TMPO: variants seen among roughly 807,000 people sequenced by gnomAD.
The protein encoded by TMPO is LEM domain containing 4.
TMPO carries 22 observed loss-of-function variants against 45.4 expected under a neutral mutation model. The observed-to-expected ratio is 0.48, with a 90% CI of 0.35 to 0.69. The LOEUF (loss-of-function observed/expected upper bound fraction) is 0.69. Among genes scored for constraint, TMPO ranks in the 30% least tolerant of loss-of-function variants. TMPO has a pLI of 0.01. For missense variants in TMPO, 512 were observed against 548.8 expected, an observed-to-expected ratio of 0.93 and a Z score of 0.67; for synonymous variants, 241 against 204.1, an observed-to-expected ratio of 1.18 and a Z score of -1.54.
intron 3 of TMPO, chr12:98,533,156 A>T: frequency 6.2e-7 from 1 of 1,614,160 alleles, no homozygotes; most frequent in East Asian, 2.2e-5. Flanking sequence ...CAGCCTGAAC[A>T]CAGTGCCATG....
chr12:98,533,482 C>G, intron 3 of TMPO: 2 of 1,614,152 alleles, frequency 1.2e-6, no homozygotes, highest in Non-Finnish European at 1.7e-6. Context: ...AGAAAACATA[C>G]AGAAGAGAAT....
intron 3 of TMPO, chr12:98,534,356 A>G: frequency 6.2e-7 from 1 of 1,610,144 alleles, no homozygotes; most frequent in South Asian, 1.1e-5. Flanking sequence ...AATTAAGGAC[A>G]AAAAGACATC....
chr12:98,535,750 A>G, intron 3 of TMPO: 1 of 732,988 alleles, frequency 1.4e-6, no homozygotes. Context: ...TCACTTTGAC[A>G]TTTCAGTGGT....
rs747066370 is a variant in TMPO at position 98,532,871 on chromosome 12, C to T, written c.565+1033C>T. 96 of 1,614,000 alleles carry T rather than the reference C, an allele frequency of 5.9e-5. 2 individuals carry two copies. In the South Asian group the frequency reaches 1.0e-3, roughly 17 times the overall value. ...GTGAAGTCCACTAGGGATATTGTTC[C>T]TTTTTCTGAACTTGGAACTACTCCC... On this transcript the variant is annotated intron_variant, in intron 3 of 8. Coordinates refer to ENST00000556029, the MANE Select transcript of TMPO (RefSeq NM_001032283.3).
intron 3 of TMPO, among the ~76,000 whole-genome samples, chr12:98,532,562 GAAAT>G (rs1242795073): frequency 6.6e-6 from 1 of 152,152 alleles, no homozygotes; most frequent in Non-Finnish European, 1.5e-5. Context: ...GATAGTATGT[GAAAT>G]AAATGTCCTT....
intron 1 of TMPO, among the ~76,000 whole-genome samples, chr12:98,517,868 TAGA>T (rs1875993019): frequency 6.6e-6 from 1 of 152,178 alleles, no homozygotes; most frequent in Non-Finnish European, 1.5e-5. Context: ...ACTCTTTAAG[TAGA>T]GTTGGTTGAG....
chr12:98,523,766 C>T (rs1383227539), intron 1 of TMPO, among the ~76,000 whole-genome samples: 1 of 152,170 alleles, frequency 6.6e-6, no homozygotes, highest in African/African-American at 2.4e-5. Context: ...ATCTCCGCCT[C>T]CCCAATTCAA....
intron 1 of TMPO, among the ~76,000 whole-genome samples, chr12:98,520,310 T>TTCC (rs755914522): frequency 0.08 from 7,985 of 99,520 alleles, 414 homozygotes; most frequent in East Asian, 0.21. Flanking sequence ...TCCTTCCTTC[T>TTCC]GTGTGTGTGA....
chr12:98,525,639 G>T (rs1474359288), intron 1 of TMPO, among the ~76,000 whole-genome samples: 1 of 151,774 alleles, frequency 6.6e-6, no homozygotes, highest in Admixed American at 6.6e-5. Context: ...TACTCAGGAG[G>T]CTGAGGCAGG....
Position 98,530,866 on chromosome 12 carries a change from T to A in TMPO, c.407-814T>A, listed in dbSNP as rs1877141296. 2.0e-5 allele frequency among the ~76,000 whole-genome samples: 3 copies of A among 152,374 alleles called. No individual in the cohort carries two copies. In the South Asian group the frequency reaches 6.2e-4, roughly 32 times the overall value. On this transcript the variant is annotated intron_variant, in intron 2 of 8. Coordinates refer to ENST00000556029, the MANE Select transcript of TMPO (RefSeq NM_001032283.3). ...GACTTCAGTCAAAAATAGTCATACA[T>A]GGCTTTTCAGTAGATGGTCTATAGA... is the stretch of plus-strand genomic sequence containing the variant.
intron 7 of TMPO, among the ~76,000 whole-genome samples, chr12:98,546,040 A>G (rs761087812): frequency 5.9e-5 from 9 of 152,138 alleles, no homozygotes; most frequent in African/African-American, 1.7e-4. Context: ...GCCCAACAAT[A>G]TACTCTTAAT....
intron 1 of TMPO, among the ~76,000 whole-genome samples, chr12:98,519,852 TATTC>T (rs1237624794): frequency 1.3e-5 from 2 of 152,204 alleles, no homozygotes; most frequent in South Asian, 4.1e-4. Context: ...TGTGTAAAAT[TATTC>T]ATGTCAATTC....
chr12:98,541,614 G>T (rs1006230837), intron 4 of TMPO, among the ~76,000 whole-genome samples: 10 of 152,140 alleles, frequency 6.6e-5, no homozygotes, highest in African/African-American at 1.9e-4. Context: ...TCACTTGAAA[G>T]AATTTTTTTG....
At chr12:98,519,382 A>G (rs1323900800) in intron 1 of TMPO, among the ~76,000 whole-genome samples, 1 of 152,014 alleles carries the variant, frequency 6.6e-6, no homozygotes, top group East Asian at 1.9e-4. Flanking sequence ...TATTTTTAGT[A>G]GAGAAGGGGT....
intron 4 of TMPO, among the ~76,000 whole-genome samples, chr12:98,542,698 A>G (rs1279154486): frequency 6.6e-6 from 1 of 152,052 alleles, no homozygotes; most frequent in African/African-American, 2.4e-5. Context: ...TCTACTGAAA[A>G]TACAAAAAAA....
At chr12:98,537,381 G>T (rs1247546334) in intron 3 of TMPO, 94 bp from the exon 4 acceptor site, 1 of 1,016,784 alleles carries the variant, frequency 9.8e-7, no homozygotes, top group East Asian at 2.6e-5. Flanking sequence ...ACCTTTTAAT[G>T]TGCCTAAAAC....
At chr12:98,535,361 G>A (rs1346461098) in intron 3 of TMPO, 2 of 985,102 alleles carry the variant, frequency 2.0e-6, no homozygotes, top group Middle Eastern at 5.2e-4. Flanking sequence ...TTTCATTTCT[G>A]TGATTGTAAG....
At chr12:98,532,658 A>G (rs1467978986) in intron 3 of TMPO, among the ~76,000 whole-genome samples, 1 of 152,212 alleles carries the variant, frequency 6.6e-6, no homozygotes, top group Non-Finnish European at 1.5e-5. Flanking sequence ...CAGATTGTTT[A>G]TATCTCAATA....
At position 98,530,176 on chromosome 12, in the gene TMPO, T is replaced by TA. The variant is rs879588209; in HGVS notation, c.407-1492dup. 6.0e-4 allele frequency among the ~76,000 whole-genome samples: 87 copies of TA among 143,934 alleles called. 1 individual carries two copies. Among genetic ancestry groups the TA allele is most frequent in the Admixed American group, 1.7e-3 (24 of 14,358 alleles). The allele number at this position is 143,934 out of a possible 152,430, so 94.4% of individuals were successfully genotyped here. On this transcript the variant is annotated intron_variant, in intron 2 of 8. Coordinates refer to ENST00000556029, the MANE Select transcript of TMPO (RefSeq NM_001032283.3). ...AACATAGTGAAACCTTGTCTCTATT[T>TA]AAAAAAAAAAAAGTAGCCAGGCATG... is the stretch of plus-strand genomic sequence containing the variant.
Sources: gnomAD v4.1 joint callset for allele counts (sites outside exome capture counted in the v4.1 genomes callset) on GRCh38, gnomAD v4.1.1 for gene constraint, MANE v1.5 for transcripts, NCBI Gene and HGNC (gene_info 2026-07-23, HGNC 2026-07-21) for gene names.